SHISAL2A: variants seen among roughly 807,000 people sequenced by gnomAD.
SHISAL2A encodes the protein protein shisa-like-2A.
In SHISAL2A, 18 loss-of-function variants were observed where a neutral mutation model predicts 11.5. The ratio of observed to expected loss-of-function variants is 1.57; its 90% CI spans 1.08 to 2.33. The LOEUF (loss-of-function observed/expected upper bound fraction) is 2.33, where lower values mean the gene tolerates loss of function less well. Among genes scored for constraint, SHISAL2A ranks in the 30% most tolerant of loss-of-function variants. SHISAL2A has a pLI of 0.00. For synonymous variants in SHISAL2A, 94 were observed against 99.6 expected (o/e 0.94, Z 0.34); for missense variants, 261 against 250.9 (o/e 1.04, Z -0.27).
In SHISAL2A at chr1:52,633,290, TCCGCGCGGGCCG is replaced by T; in HGVS notation, c.-203_-192del. 2.2e-6 allele frequency: 1 copy of T among 458,916 alleles called. No individual in the cohort carries two copies. Among genetic ancestry groups the T allele is most frequent in the Non-Finnish European group, 3.7e-6 (1 of 268,830 alleles). The allele number at this position is 458,916 out of a possible 1,614,324, so 28.4% of individuals were successfully genotyped here. The stretch of plus-strand genomic sequence containing the variant: ...CGCCCGCCCCGCCTGCCCCTACCCC[TCCGCGCGGGCCG>T]GGCACCTGGCCGCCGCTCGGTCCTC... On this transcript the variant is annotated 5_prime_UTR_variant, in exon 1 of 3. Coordinates refer to ENST00000517870, the MANE Select transcript of SHISAL2A (RefSeq NM_001042693.3). This position sits in a 1 kb window ranked among gnomAD's most constrained non-coding sequence, Gnocchi z 6.4.
exon 6 of SHISAL2A, chr1:52,669,141 T>TC (rs1692064438): frequency 3.9e-5 from 1 of 25,798 alleles, no homozygotes; most frequent in Admixed American, 2.4e-4. Context: ...CAATTGGATC[T>TC]TTTTTTTTTT....
At chr1:52,657,958 G>A (rs1691826904), downstream of SHISAL2A, among the ~76,000 whole-genome samples, 1 of 152,184 alleles carries the variant, frequency 6.6e-6, no homozygotes, top group African/African-American at 2.4e-5. Context: ...GTCTTCCTGA[G>A]CCTCAGTCCC....
At chr1:52,643,128 G>A (rs924405883) in intron 2 of SHISAL2A, 126 bp downstream of exon 2, 2 of 901,000 alleles carry the variant, frequency 2.2e-6, no homozygotes, top group Non-Finnish European at 3.4e-6. Context: ...CAGAAGCAGC[G>A]GCACATTTTT....
exon 5 of SHISAL2A, chr1:52,667,529 G>C (rs751708335): frequency 3.0e-6 from 1 of 332,942 alleles, no homozygotes; most frequent in South Asian, 1.2e-4. Flanking sequence ...CATTGTCATC[G>C]TCATCATTAT....
At chr1:52,636,084 G>T (rs1165131437) in intron 1 of SHISAL2A, among the ~76,000 whole-genome samples, 1 of 152,290 alleles carries the variant, frequency 6.6e-6, no homozygotes, top group African/African-American at 2.4e-5. Flanking sequence ...GACCTCCCTT[G>T]TAAGTACAGA....
intron 2 of SHISAL2A, among the ~76,000 whole-genome samples, chr1:52,647,029 T>G (rs1488544531): frequency 6.6e-6 from 1 of 152,100 alleles, no homozygotes; most frequent in Non-Finnish European, 1.5e-5. Flanking sequence ...ACACAGAGTT[T>G]CGTTATATTG....
intron 2 of SHISAL2A, among the ~76,000 whole-genome samples, chr1:52,648,926 C>T (rs1280401574): frequency 6.6e-6 from 1 of 151,830 alleles, no homozygotes; most frequent in Admixed American, 6.6e-5. Context: ...TCCTGCTTTT[C>T]ACTGCTCAGC....
downstream of SHISAL2A, among the ~76,000 whole-genome samples, chr1:52,657,603 C>T (rs190134753): frequency 2.0e-5 from 3 of 152,266 alleles, no homozygotes; most frequent in East Asian, 3.9e-4. Context: ...GCCTGTAGTC[C>T]TAGAGCTTTG....
intron 4 of SHISAL2A, among the ~76,000 whole-genome samples, chr1:52,664,717 C>T (rs1029427068): frequency 3.3e-5 from 5 of 152,098 alleles, no homozygotes; most frequent in South Asian, 4.1e-4. Flanking sequence ...AGGATGGTCT[C>T]CATCTCCTGA....
chr1:52,636,157 G>C (rs1204218382), intron 1 of SHISAL2A, among the ~76,000 whole-genome samples: 1 of 149,512 alleles, frequency 6.7e-6, no homozygotes, highest in Non-Finnish European at 1.5e-5. Flanking sequence ...GATTGGAAAA[G>C]TTATTTAACT....
chr1:52,667,492 C>A, exon 5 of SHISAL2A: 1 of 486,928 alleles, frequency 2.1e-6, no homozygotes, highest in Non-Finnish European at 2.7e-6. Flanking sequence ...CCATCACCAT[C>A]ACCATCACCA....
intron 2 of SHISAL2A, among the ~76,000 whole-genome samples, chr1:52,650,924 C>T (rs1053298919): frequency 6.6e-6 from 1 of 151,124 alleles, no homozygotes; most frequent in African/African-American, 2.4e-5. Context: ...GAATTACAGG[C>T]ATGAGCCACC....
intron 2 of SHISAL2A, among the ~76,000 whole-genome samples, chr1:52,653,661 A>C (rs2149888834): frequency 6.6e-6 from 1 of 152,310 alleles, no homozygotes; most frequent in South Asian, 2.1e-4. Flanking sequence ...TGATGAAGGA[A>C]ATCAAAGAAG....
At chr1:52,668,832 C>T (rs1373712379) in exon 6 of SHISAL2A, 2 of 152,394 alleles carry the variant, frequency 1.3e-5, no homozygotes, top group Non-Finnish European at 2.9e-5. Flanking sequence ...CTCAAGGATC[C>T]TGAGTCTCCT....
chr1:52,661,371 C>T (rs1691903686), downstream of SHISAL2A, among the ~76,000 whole-genome samples: 1 of 152,216 alleles, frequency 6.6e-6, no homozygotes, highest in Non-Finnish European at 1.5e-5. Context: ...AGTGATGTCT[C>T]ATGTATCCAC....
At chr1:52,647,950 G>GGT (rs1025082116) in intron 2 of SHISAL2A, among the ~76,000 whole-genome samples, 1 of 150,778 alleles carries the variant, frequency 6.6e-6, no homozygotes, top group Non-Finnish European at 1.5e-5. Context: ...AAGGTTGGAA[G>GGT]GTTGGGATGG....
intron 4 of SHISAL2A, among the ~76,000 whole-genome samples, chr1:52,664,434 C>A (rs1166878813): frequency 6.6e-6 from 1 of 151,958 alleles, no homozygotes; most frequent in African/African-American, 2.4e-5. Flanking sequence ...TGGCTCACCG[C>A]AACCTCCACC....
chr1:52,649,945 G>A (rs570268138), intron 2 of SHISAL2A, among the ~76,000 whole-genome samples: 56 of 152,272 alleles, frequency 3.7e-4, no homozygotes, highest in South Asian at 1.7e-3. Context: ...TGCTCTCACT[G>A]TATAGATGGG....
intron 2 of SHISAL2A, among the ~76,000 whole-genome samples, chr1:52,650,334 AAGG>A (rs1371756644): frequency 6.6e-6 from 1 of 152,170 alleles, no homozygotes; most frequent in Non-Finnish European, 1.5e-5. Context: ...TCCTTGGAGA[AAGG>A]AGGGAAGGCA....
Sources: allele counts gnomAD v4.1 joint callset (sites outside exome capture counted in the v4.1 genomes callset), GRCh38; gene constraint gnomAD v4.1.1; non-coding constraint Gnocchi (gnomAD v3.1); transcripts MANE v1.5; gene names NCBI Gene and HGNC (gene_info 2026-07-23, HGNC 2026-07-21).